Variants in AGTPBP1 observed in about 807,000 individuals in gnomAD.
AGTPBP1 encodes the protein cytosolic carboxypeptidase 1.
In AGTPBP1, 70 loss-of-function variants were observed where a neutral mutation model predicts 143.9. That is an observed-to-expected ratio of 0.49 (90% CI 0.40 to 0.59). AGTPBP1 has a LOEUF of 0.59. Among genes scored for constraint, AGTPBP1 ranks in the 20% least tolerant of loss-of-function variants. The pLI is 0.00. For synonymous variants in AGTPBP1, 463 were observed against 500.2 expected, an observed-to-expected ratio of 0.93 and a Z score of 0.99; for missense variants, 1,229 against 1,464.5, an observed-to-expected ratio of 0.84 and a Z score of 2.62.
intron 1 of AGTPBP1, among the ~76,000 whole-genome samples, chr9:85,729,466 G>T (rs1473036036): frequency 6.6e-6 from 1 of 152,088 alleles, no homozygotes; most frequent in Non-Finnish European, 1.5e-5. Flanking sequence ...ACTGGTCTTG[G>T]CAATTTTTTG....
chr9:85,589,679 C>T lies in AGTPBP1; in HGVS notation c.2571G>A (p.Met857Ile), dbSNP rs1305485370. ...GTGCTGATTCCAATTTTTGAAGATG[C>T]ATCTTGATAAAAATTTTAAAACAAA... is the stretch of plus-strand genomic sequence containing the variant. ...HYPYTYSTLQ[M>I]HLQKLESAHN... Residue 857 changes from methionine to isoleucine, a missense_variant and splice_region_variant, in exon 20 of 26, where the codon ATG (methionine) becomes ATA (isoleucine). Transcript: ENST00000357081. 1.9e-6 allele frequency: 3 copies of T among 1,601,796 alleles called. No individual in the cohort carries two copies. The Admixed American group carries it at 5.3e-5, about 28-fold the overall frequency.
chr9:85,658,874 T>C (rs1833691342), intron 9 of AGTPBP1, among the ~76,000 whole-genome samples: 1 of 152,182 alleles, frequency 6.6e-6, no homozygotes, highest in African/African-American at 2.4e-5. Context: ...AGGCTGTGGC[T>C]ATTTACAAAA....
intron 13 of AGTPBP1, among the ~76,000 whole-genome samples, chr9:85,634,475 C>A (rs1355205772): frequency 6.6e-6 from 1 of 152,132 alleles, no homozygotes; most frequent in African/African-American, 2.4e-5. Flanking sequence ...ATGAATGCCA[C>A]GATGAATGCC....
intron 23 of AGTPBP1, among the ~76,000 whole-genome samples, chr9:85,584,600 C>G (rs1160883230): frequency 6.6e-6 from 1 of 152,034 alleles, no homozygotes; most frequent in Admixed American, 6.6e-5. Context: ...TCCAGTTTTG[C>G]TACTGTGAAA....
intron 1 of AGTPBP1, among the ~76,000 whole-genome samples, chr9:85,732,882 A>G (rs1838982738): frequency 6.6e-6 from 1 of 152,160 alleles, no homozygotes; most frequent in African/African-American, 2.4e-5. Context: ...TACAAGAGAA[A>G]AAGTATATTA....
chr9:85,663,871 T>G (rs1833982941), intron 8 of AGTPBP1, among the ~76,000 whole-genome samples: 1 of 152,114 alleles, frequency 6.6e-6, no homozygotes, highest in Non-Finnish European at 1.5e-5. Context: ...CACAGCAGCT[T>G]TATTTGTAAC....
In AGTPBP1 at chr9:85,697,445, G is replaced by GTTTTTT. The variant is rs758082233; in HGVS notation, c.33-4638_33-4633dup. ...AATTATGGGTCTTAATTTGTTTTTT[G>GTTTTTT]TTTTTTTTTTTTTTTTTTTTTTTTT... On this transcript the variant is annotated intron_variant, in intron 2 of 25. Transcript: ENST00000357081. 2.7e-3 allele frequency among the ~76,000 whole-genome samples: 174 copies of GTTTTTT among 65,070 alleles called. 4 individuals are homozygous for GTTTTTT. Among genetic ancestry groups the GTTTTTT allele is most frequent in the African/African-American group, 3.3e-3 (51 of 15,316 alleles). The allele number at this position is 65,070 out of a possible 152,430, so 42.7% of individuals were successfully genotyped here. A position where few individuals can be genotyped will look rare whatever the true frequency, so the allele number is the denominator to read the frequency against.
At chr9:85,621,829 T>G (rs1224575435) in intron 14 of AGTPBP1, among the ~76,000 whole-genome samples, 1 of 152,086 alleles carries the variant, frequency 6.6e-6, no homozygotes, top group East Asian at 1.9e-4. Context: ...CAGAGGATGA[T>G]TCCCTGAGCA....
the AGTPBP1 span, chr9:85,764,733 T>A: frequency 8.0e-7 from 1 of 1,255,716 alleles, no homozygotes; most frequent in Admixed American, 1.7e-5. Context: ...AGTTTGAAAG[T>A]ATCAACTCGC....
intron 17 of AGTPBP1, among the ~76,000 whole-genome samples, chr9:85,608,488 T>A (rs923369616): frequency 1.6e-4 from 25 of 152,214 alleles, no homozygotes; most frequent in African/African-American, 5.5e-4. Context: ...TGTCTCATCC[T>A]GATACAGATG....
chr9:85,552,481 T>C (rs1162953539), intron 25 of AGTPBP1, among the ~76,000 whole-genome samples: 3 of 152,176 alleles, frequency 2.0e-5, no homozygotes, highest in East Asian at 3.9e-4. Flanking sequence ...ACAGGCATGA[T>C]GAAAGCAAAA....
At chr9:85,769,905 CCTGTGGGCTTAGGCTTT>C in the AGTPBP1 span, among the ~76,000 whole-genome samples, 1 of 152,206 alleles carries the variant, frequency 6.6e-6, no homozygotes, top group East Asian at 1.9e-4. Flanking sequence ...TACTGCTAAT[CCTGTGGGCTTAGGCTTT>C]GTTCAAGTAT....
intron 12 of AGTPBP1, among the ~76,000 whole-genome samples, chr9:85,644,891 C>T (rs1225458246): frequency 1.3e-5 from 2 of 152,052 alleles, no homozygotes; most frequent in East Asian, 3.9e-4. Flanking sequence ...AATGTAAAGT[C>T]AATGAGAGTA....
intron 2 of AGTPBP1, among the ~76,000 whole-genome samples, chr9:85,709,836 G>A (rs908220283): frequency 5.3e-5 from 8 of 152,120 alleles, no homozygotes; most frequent in Non-Finnish European, 1.5e-5. Context: ...GAAGTGCAGA[G>A]AAAATTTCTA....
intron 14 of AGTPBP1, among the ~76,000 whole-genome samples, chr9:85,623,806 G>C (rs1210669773): frequency 6.6e-6 from 1 of 150,940 alleles, no homozygotes; most frequent in Non-Finnish European, 1.5e-5. Context: ...ACATGTATTT[G>C]TGTTAAGCAG....
intron 11 of AGTPBP1, among the ~76,000 whole-genome samples, chr9:85,648,042 A>G (rs1238728240): frequency 6.6e-6 from 1 of 152,198 alleles, no homozygotes; most frequent in Non-Finnish European, 1.5e-5. Context: ...AAAAAATTCC[A>G]TGTTGTAGCA....
intron 1 of AGTPBP1, among the ~76,000 whole-genome samples, chr9:85,722,619 G>T (rs1838202757): frequency 6.6e-6 from 1 of 152,162 alleles, no homozygotes; most frequent in South Asian, 2.1e-4. Context: ...GTTAGAACAT[G>T]CTCCTTTAGC....
intron 15 of AGTPBP1, among the ~76,000 whole-genome samples, chr9:85,620,300 G>A (rs2133543272): frequency 6.6e-6 from 1 of 151,782 alleles, no homozygotes; most frequent in Admixed American, 6.6e-5. Flanking sequence ...TGTAGTCCCA[G>A]CTACTCAGGA....
At chr9:85,580,944 A>G (rs1285793044) in intron 23 of AGTPBP1, among the ~76,000 whole-genome samples, 1 of 152,256 alleles carries the variant, frequency 6.6e-6, no homozygotes, top group Non-Finnish European at 1.5e-5. Flanking sequence ...CATATGCTAC[A>G]TGCATATCTA....
Sources: allele counts gnomAD v4.1 joint callset (sites outside exome capture counted in the v4.1 genomes callset), GRCh38; gene constraint gnomAD v4.1.1; transcripts MANE v1.5; gene names NCBI Gene and HGNC (gene_info 2026-07-23, HGNC 2026-07-21).